Variants in LRRC37A2 observed in about 807,000 individuals in gnomAD.
The protein encoded by LRRC37A2 is leucine rich repeat containing 37 member A2, also known as leucine-rich repeat-containing protein 37A2.
Under a neutral mutation model 68.8 loss-of-function variants are expected in LRRC37A2, and 9 were observed. The observed-to-expected ratio is 0.13, with a 90% confidence interval of 0.08 to 0.23. The LOEUF (loss-of-function observed/expected upper bound fraction) is 0.23. LRRC37A2 is among the 10% of genes least tolerant of loss of function. The pLI, the probability that LRRC37A2 is intolerant of heterozygous loss-of-function variation, is 1.00. For missense variants in LRRC37A2, 168 were observed against 950.4 expected, an observed-to-expected ratio of 0.18 and a Z score of 10.82; for synonymous variants, 63 against 367.6, an observed-to-expected ratio of 0.17 and a Z score of 9.48.
chr17:47,033,519 G>A, the LRRC37A2 span: 167 of 613,014 alleles, frequency 2.7e-4, 1 homozygote, highest in Middle Eastern at 8.7e-4. Flanking sequence ...GACAGCCTTG[G>A]GATTCTAGCA....
At chr17:46,884,604 G>A in the LRRC37A2 span, among the ~76,000 whole-genome samples, 4 of 152,216 alleles carry the variant, frequency 2.6e-5, no homozygotes, top group Admixed American at 1.3e-4. Flanking sequence ...GTTGTTTTGC[G>A]CAGGCTTCAT....
At chr17:46,871,049 T>C in the LRRC37A2 span, among the ~76,000 whole-genome samples, 1 of 151,684 alleles carries the variant, frequency 6.6e-6, no homozygotes, top group Non-Finnish European at 1.5e-5. Context: ...TAGCTGGGAC[T>C]ACAGGTGTGT....
the LRRC37A2 span, among the ~76,000 whole-genome samples, chr17:46,900,168 C>CATATACATATATAT: frequency 7.8e-5 from 5 of 64,060 alleles, no homozygotes; most frequent in Admixed American, 4.0e-4. Context: ...TATACATATA[C>CATATACATATATAT]ATATATATAT....
chr17:46,823,192 A>G, the LRRC37A2 span, among the ~76,000 whole-genome samples: 1 of 127,674 alleles, frequency 7.8e-6, no homozygotes, highest in Non-Finnish European at 1.5e-5. Flanking sequence ...AATATATTAT[A>G]TATATTTATA....
the LRRC37A2 span, among the ~76,000 whole-genome samples, chr17:47,003,483 G>A: frequency 6.6e-6 from 1 of 152,236 alleles, no homozygotes; most frequent in African/African-American, 2.4e-5. Context: ...CCCAGTGGCT[G>A]GCCACTCCAT....
At chr17:46,875,412 A>G in the LRRC37A2 span, 2 of 1,528,662 alleles carry the variant, frequency 1.3e-6, no homozygotes, top group East Asian at 2.3e-5. Flanking sequence ...ACCAGGGTAC[A>G]CAGCTGGGGA....
chr17:46,886,823 T>A, the LRRC37A2 span: 1 of 154,016 alleles, frequency 6.5e-6, no homozygotes, highest in South Asian at 2.0e-4. Flanking sequence ...TTTGTTTGTT[T>A]GTTTGTTTTT....
the LRRC37A2 span, chr17:46,409,283 G>A: frequency 8.6e-6 from 4 of 467,072 alleles, no homozygotes; most frequent in African/African-American, 4.2e-5. Flanking sequence ...TAAAGATACA[G>A]TCTTCTTTTT....
At chr17:47,002,766 A>G in the LRRC37A2 span, among the ~76,000 whole-genome samples, 1 of 151,460 alleles carries the variant, frequency 6.6e-6, no homozygotes, top group Non-Finnish European at 1.5e-5. Context: ...ACTAGGTCTT[A>G]TTCATTCTTT....
At chr17:46,849,784 C>G in the LRRC37A2 span, among the ~76,000 whole-genome samples, 1 of 152,146 alleles carries the variant, frequency 6.6e-6, no homozygotes, top group East Asian at 1.9e-4. Flanking sequence ...CATCACACCC[C>G]AGTCCTGCCT....
At chr17:46,947,577 GGGT>G in the LRRC37A2 span, among the ~76,000 whole-genome samples, 4 of 152,150 alleles carry the variant, frequency 2.6e-5, no homozygotes, top group African/African-American at 9.7e-5. Context: ...AATGTGATGG[GGGT>G]GGTGGGATGA....
the LRRC37A2 span, among the ~76,000 whole-genome samples, chr17:46,947,541 G>C: frequency 6.6e-6 from 1 of 152,190 alleles, no homozygotes; most frequent in Admixed American, 6.5e-5. Flanking sequence ...AGGAAGACCT[G>C]GACATGATCT....
At chr17:46,954,117 A>G in the LRRC37A2 span, among the ~76,000 whole-genome samples, 5 of 152,194 alleles carry the variant, frequency 3.3e-5, no homozygotes, top group Admixed American at 2.6e-4. Context: ...GCCCATGCCT[A>G]TGTCCTGAAT....
At chr17:46,844,619 G>A in the LRRC37A2 span, among the ~76,000 whole-genome samples, 2 of 152,102 alleles carry the variant, frequency 1.3e-5, no homozygotes, top group African/African-American at 2.4e-5. Flanking sequence ...CTTCAAGATG[G>A]GACCCCTTTC....
chr17:46,963,286 T>C, the LRRC37A2 span, among the ~76,000 whole-genome samples: 1 of 152,252 alleles, frequency 6.6e-6, no homozygotes, highest in Admixed American at 6.5e-5. Flanking sequence ...GGCTCACGCC[T>C]ATAATCCCAG....
chr17:46,980,126 A>G, the LRRC37A2 span, among the ~76,000 whole-genome samples: 1 of 138,450 alleles, frequency 7.2e-6, no homozygotes, highest in South Asian at 2.6e-4. Flanking sequence ...CCCCACCCCA[A>G]CCAACCCCAA....
At chr17:46,823,800 G>T in the LRRC37A2 span, among the ~76,000 whole-genome samples, 1 of 152,060 alleles carries the variant, frequency 6.6e-6, no homozygotes, top group Non-Finnish European at 1.5e-5. Flanking sequence ...AGGGAATGGG[G>T]TGGGGTGGGG....
the LRRC37A2 span, among the ~76,000 whole-genome samples, chr17:46,825,007 C>A: frequency 6.6e-6 from 1 of 152,224 alleles, no homozygotes; most frequent in South Asian, 2.1e-4. Context: ...GCCTCTCCAG[C>A]CATGTGCCAC....
At chr17:46,936,697 C>A in the LRRC37A2 span, 2 of 984,566 alleles carry the variant, frequency 2.0e-6, no homozygotes, top group Non-Finnish European at 2.4e-6. Flanking sequence ...TGATCCTTAG[C>A]CTCATACAGT....
Sources: allele counts gnomAD v4.1 joint callset (sites outside exome capture counted in the v4.1 genomes callset), GRCh38; gene constraint gnomAD v4.1.1; transcripts MANE v1.5; gene names NCBI Gene and HGNC (gene_info 2026-07-23, HGNC 2026-07-21).